Variants in RAD54B observed in about 807,000 individuals in gnomAD.
RAD54B encodes RAD54 homolog B.
RAD54B carries 78 observed loss-of-function variants against 95.8 expected under a neutral mutation model. That is an observed-to-expected ratio of 0.81 (90% CI 0.68 to 0.98). RAD54B has a LOEUF of 0.98. Ranked by LOEUF, RAD54B falls within the 50% of genes least tolerant of loss-of-function variation. RAD54B has a pLI of 0.00. For missense variants in RAD54B, 957 were observed against 1,056.6 expected, an observed-to-expected ratio of 0.91 and a Z score of 1.31; for synonymous variants, 328 against 354.9, an observed-to-expected ratio of 0.92 and a Z score of 0.85.
Position 94,416,376 on chromosome 8 carries a change from C to A in RAD54B, c.305-5061G>T, listed in dbSNP as rs189054466. On this transcript the variant is annotated intron_variant, in intron 3 of 14. Coordinates refer to ENST00000336148, the MANE Select transcript of RAD54B (RefSeq NM_012415.3). Reference sequence around the variant, plus strand: ...CTCTGGGGAATGTTGTGTGGTGGGGCGAGGGGGGAGGGATAGCATTAGGAG... The same window carrying A: ...CTCTGGGGAATGTTGTGTGGTGGGGAGAGGGGGGAGGGATAGCATTAGGAG... 8.4e-3 allele frequency among the ~76,000 whole-genome samples: 1,259 copies of A among 150,742 alleles called. 8 individuals carry two copies. Among genetic ancestry groups the A allele is most frequent in the Middle Eastern group, 0.031 (9 of 292 alleles).
At chr8:94,388,607 C>G (rs1004394985) in intron 10 of RAD54B, among the ~76,000 whole-genome samples, 40 of 151,964 alleles carry the variant, frequency 2.6e-4, no homozygotes, top group Non-Finnish European at 5.9e-4. Flanking sequence ...TGTGTTGCAC[C>G]CCCTCTTTAG....
intron 10 of RAD54B, 57 bp from the exon 11 acceptor site, chr8:94,387,216 G>A (rs1287620226): frequency 8.8e-6 from 12 of 1,369,824 alleles, no homozygotes; most frequent in Admixed American, 2.6e-5. Flanking sequence ...AATTAGGAGG[G>A]GAAAATGCTA....
chr8:94,431,797 A>C, intron 3 of RAD54B: 1 of 1,007,804 alleles, frequency 9.9e-7, no homozygotes, highest in African/African-American at 1.7e-5. Context: ...CAAAGTTCTA[A>C]CTAAAAATGT....
chr8:94,411,271 C>T lies in RAD54B; in HGVS notation c.349G>A (p.Glu117Lys). Residue 117 changes from glutamate (E) to lysine (K), a missense_variant, in exon 4 of 15, where the codon GAG becomes AAG. Glu to Lys is a moderately conservative substitution (Grantham distance 56). Transcript: ENST00000336148. ...TATTTAACTAGGCTATCAGATTTCT[C>T]TTCTTGTTCCTTGGACACTGCTACT... ...KEVAVSKEQE[E>K]KSDSLVKYFS... 1 of 1,605,420 alleles carries T rather than the reference C, an allele frequency of 6.2e-7. No homozygotes were observed.
intron 6 of RAD54B, among the ~76,000 whole-genome samples, chr8:94,402,546 G>A (rs1275917806): frequency 6.6e-6 from 1 of 151,880 alleles, no homozygotes; most frequent in Non-Finnish European, 1.5e-5. Context: ...AAGCCACCAT[G>A]CCCAGCCTAT....
intron 3 of RAD54B, among the ~76,000 whole-genome samples, chr8:94,452,401 T>C (rs1055788164): frequency 1.3e-5 from 2 of 152,240 alleles, no homozygotes; most frequent in African/African-American, 4.8e-5. Context: ...GAGCACCATG[T>C]CAGTATCTTA....
chr8:94,382,717 C>G (rs1001864609), intron 11 of RAD54B, among the ~76,000 whole-genome samples: 4 of 152,106 alleles, frequency 2.6e-5, no homozygotes, highest in Non-Finnish European at 4.4e-5. Context: ...ATCACGGGGG[C>G]GGTTTCCTGC....
chr8:94,462,641 T>C (rs570606295), intron 2 of RAD54B, among the ~76,000 whole-genome samples: 1 of 152,226 alleles, frequency 6.6e-6, no homozygotes, highest in African/African-American at 2.4e-5. Context: ...AGATAAGAAA[T>C]AGTTTAAAAA....
intron 3 of RAD54B, among the ~76,000 whole-genome samples, chr8:94,452,397 C>T (rs937352763): frequency 6.6e-5 from 10 of 152,172 alleles, no homozygotes; most frequent in African/African-American, 2.4e-4. Context: ...GATGGAGCAC[C>T]ATGTCAGTAT....
chr8:94,456,195 A>C (rs888804448), intron 3 of RAD54B, among the ~76,000 whole-genome samples: 1 of 152,174 alleles, frequency 6.6e-6, no homozygotes, highest in Non-Finnish European at 1.5e-5. Context: ...TGGTAGACCT[A>C]CATCTTCATT....
chr8:94,397,470 A>G (rs1278632688), intron 8 of RAD54B, among the ~76,000 whole-genome samples: 1 of 152,262 alleles, frequency 6.6e-6, no homozygotes, highest in East Asian at 1.9e-4. Context: ...CAAAGGATAC[A>G]GAGGACAATA....
chr8:94,400,793 G>A (rs1254004963), intron 6 of RAD54B, among the ~76,000 whole-genome samples: 1 of 152,058 alleles, frequency 6.6e-6, no homozygotes, highest in Non-Finnish European at 1.5e-5. Context: ...ATCACTAAGA[G>A]TTGAGTGATT....
chr8:94,425,161 C>T (rs1811913432), intron 3 of RAD54B, among the ~76,000 whole-genome samples: 2 of 150,942 alleles, frequency 1.3e-5, no homozygotes, highest in Non-Finnish European at 2.9e-5. Context: ...GTGAATGATT[C>T]CTAAGCATAG....
intron 3 of RAD54B, chr8:94,428,762 C>T (rs1812007275): frequency 1.0e-6 from 1 of 985,074 alleles, no homozygotes; most frequent in Middle Eastern, 5.2e-4. Flanking sequence ...AAACTTTCCC[C>T]TATATATTCC....
intron 8 of RAD54B, among the ~76,000 whole-genome samples, chr8:94,395,411 T>C (rs938974150): frequency 6.6e-6 from 1 of 152,124 alleles, no homozygotes; most frequent in East Asian, 1.9e-4. Context: ...CACCATAACG[T>C]TGGTCCTGAA....
intron 3 of RAD54B, among the ~76,000 whole-genome samples, chr8:94,435,915 T>TG (rs1384498928): frequency 2.6e-5 from 4 of 152,180 alleles, no homozygotes; most frequent in African/African-American, 9.6e-5. Context: ...CCTTTAGTTG[T>TG]GTTCATCTTT....
At chr8:94,398,288 T>C (rs1474885564) in intron 8 of RAD54B, among the ~76,000 whole-genome samples, 3 of 152,080 alleles carry the variant, frequency 2.0e-5, no homozygotes, top group African/African-American at 4.8e-5. Context: ...ATTTTAAAAA[T>C]CGCTTTTGAT....
At chr8:94,390,124 G>A (rs1390058631) in intron 10 of RAD54B, among the ~76,000 whole-genome samples, 5 of 152,028 alleles carry the variant, frequency 3.3e-5, no homozygotes, top group Non-Finnish European at 7.4e-5. Flanking sequence ...AGGATCACTT[G>A]AGCTCAGGAG....
intron 3 of RAD54B, chr8:94,436,675 G>A: frequency 6.4e-7 from 1 of 1,550,560 alleles, no homozygotes; most frequent in East Asian, 2.4e-5. Context: ...TAGGCCCTGT[G>A]CTGTTCGAGG....
Sources: gnomAD v4.1 joint callset for allele counts (sites outside exome capture counted in the v4.1 genomes callset) on GRCh38, gnomAD v4.1.1 for gene constraint, MANE v1.5 for transcripts, NCBI Gene and HGNC (gene_info 2026-07-23, HGNC 2026-07-21) for gene names.